Variants in ERC1 observed in about 807,000 individuals in gnomAD.
ERC1 encodes the protein RAB6 interacting protein 2.
ERC1 carries 56 observed loss-of-function variants against 132.0 expected under a neutral mutation model. The ratio of observed to expected loss-of-function variants is 0.42; its 90% CI spans 0.34 to 0.53. The LOEUF is 0.53. ERC1 is among the 20% of genes least tolerant of loss of function. The pLI is 0.03. For missense variants in ERC1, 1,202 were observed against 1,349.9 expected, an observed-to-expected ratio of 0.89 and a Z score of 1.72; for synonymous variants, 478 against 476.1, an observed-to-expected ratio of 1.00 and a Z score of -0.05.
intron 12 of ERC1, among the ~76,000 whole-genome samples, chr12:1,213,677 C>T (rs1053974688): frequency 6.7e-6 from 1 of 148,490 alleles, no homozygotes; most frequent in African/African-American, 2.5e-5. Flanking sequence ...GCAGAGGTTG[C>T]AGTGAGCCGA....
chr12:1,303,765 A>C (rs1566536057), intron 15 of ERC1, among the ~76,000 whole-genome samples: 2 of 151,436 alleles, frequency 1.3e-5, no homozygotes, highest in South Asian at 4.2e-4. Flanking sequence ...GACCAGCCTG[A>C]CCAACATGGA....
At chr12:1,243,966 T>C (rs550870068) in intron 13 of ERC1, among the ~76,000 whole-genome samples, 1 of 152,350 alleles carries the variant, frequency 6.6e-6, no homozygotes, top group African/African-American at 2.4e-5. Flanking sequence ...GCTGTTAAGT[T>C]AAAACTCTGT....
In ERC1 at chr12:1,083,226, G is replaced by A; in HGVS notation, c.732G>A (p.Gln244=). ...TGCGGATCCAGAGGGACCTGAATCA[G>A]CTGTTTCAGCAGGATAGTAGCAGCA... The part of the protein sequence containing the change: ...DELRIQRDLN[Q]LFQQDSSSRT... The change falls in exon 3 of 19, where the codon CAG becomes CAA. Residue 244 remains glutamine, a synonymous_variant. Coordinates refer to ENST00000360905, the MANE Select transcript of ERC1 (RefSeq NM_178040.4). The A allele has an allele frequency of 6.2e-7, 1 of 1,614,184 alleles. No homozygotes were observed. The highest frequency in any genetic ancestry group is 1.1e-5 in the South Asian group (1 of 91,082).
intron 2 of ERC1, among the ~76,000 whole-genome samples, chr12:1,033,820 G>A (rs1275797876): frequency 1.3e-5 from 2 of 151,998 alleles, no homozygotes; most frequent in African/African-American, 2.4e-5. Flanking sequence ...AGTAGAGACG[G>A]GATTTTGCCA....
At chr12:1,226,708 A>G (rs2074604107) in intron 12 of ERC1, among the ~76,000 whole-genome samples, 1 of 151,840 alleles carries the variant, frequency 6.6e-6, no homozygotes, top group African/African-American at 2.4e-5. Context: ...AAACAGTCTC[A>G]CTCTGTCACC....
intron 8 of ERC1, among the ~76,000 whole-genome samples, chr12:1,173,079 A>G (rs894479657): frequency 3.9e-5 from 6 of 152,200 alleles, no homozygotes; most frequent in African/African-American, 1.4e-4. Flanking sequence ...TAGGGGGTAC[A>G]TTTTAAGTAC....
At chr12:1,192,964 G>T (rs767071677) in intron 12 of ERC1, among the ~76,000 whole-genome samples, 1 of 152,124 alleles carries the variant, frequency 6.6e-6, no homozygotes, top group Non-Finnish European at 1.5e-5. Context: ...TAACTGTAGT[G>T]CCACACTGTA....
chr12:1,051,754 T>TGGGGGATGTGGGCA (rs1198774623), intron 2 of ERC1, among the ~76,000 whole-genome samples: 1 of 152,118 alleles, frequency 6.6e-6, no homozygotes, highest in Non-Finnish European at 1.5e-5. Context: ...AGTGACCACC[T>TGGGGGATGTGGGCA]GGGGGATGTG....
At chr12:1,207,947 T>C (rs954662728) in intron 12 of ERC1, among the ~76,000 whole-genome samples, 2 of 152,190 alleles carry the variant, frequency 1.3e-5, no homozygotes, top group Non-Finnish European at 2.9e-5. Context: ...ATAATAACTA[T>C]TGGGCCATAC....
At chr12:1,356,696 C>G (rs966986022) in intron 15 of ERC1, among the ~76,000 whole-genome samples, 2 of 152,134 alleles carry the variant, frequency 1.3e-5, no homozygotes, top group African/African-American at 4.8e-5. Flanking sequence ...TTTTTAAATT[C>G]TGTCTGGCAT....
At chr12:1,291,211 C>G (rs909322870) in intron 15 of ERC1, among the ~76,000 whole-genome samples, 1 of 152,134 alleles carries the variant, frequency 6.6e-6, no homozygotes, top group Non-Finnish European at 1.5e-5. Context: ...TAGTGCAAGG[C>G]TACGAGATTC....
chr12:1,210,019 A>G (rs1594241843), intron 12 of ERC1, among the ~76,000 whole-genome samples: 1 of 152,340 alleles, frequency 6.6e-6, no homozygotes, highest in African/African-American at 2.4e-5. Context: ...TGTTAGAGCA[A>G]AAGCACTGTT....
chr12:1,398,454 A>G (rs1200745032), intron 16 of ERC1, among the ~76,000 whole-genome samples: 1 of 152,234 alleles, frequency 6.6e-6, no homozygotes, highest in Non-Finnish European at 1.5e-5. Context: ...AAATCAAAGT[A>G]GTTTAGTAAA....
At chr12:1,329,214 A>T (rs1319295197) in intron 15 of ERC1, among the ~76,000 whole-genome samples, 3 of 145,904 alleles carry the variant, frequency 2.1e-5, no homozygotes, top group Non-Finnish European at 1.5e-5. Flanking sequence ...GAATCACTTG[A>T]ACCCCAGAGG....
At chr12:1,015,151 C>T (rs1187290079) in intron 1 of ERC1, among the ~76,000 whole-genome samples, 3 of 151,982 alleles carry the variant, frequency 2.0e-5, no homozygotes, top group Non-Finnish European at 4.4e-5. Context: ...TCACTGCAAC[C>T]TCTGCCTCCG....
chr12:1,372,114 C>T (rs2087310489), intron 16 of ERC1, 137 bp downstream of exon 16: 2 of 1,096,528 alleles, frequency 1.8e-6, no homozygotes, highest in Non-Finnish European at 2.5e-6. Context: ...TAGTTTCCAT[C>T]ATTAGAGACT....
chr12:1,205,901 A>G (rs1957313574), intron 12 of ERC1, among the ~76,000 whole-genome samples: 1 of 152,240 alleles, frequency 6.6e-6, no homozygotes, highest in African/African-American at 2.4e-5. Flanking sequence ...TTTTGCTCTC[A>G]GTCTCTCTAA....
intron 12 of ERC1, among the ~76,000 whole-genome samples, chr12:1,200,553 A>C (rs1432792721): frequency 7.1e-6 from 1 of 141,326 alleles, no homozygotes; most frequent in African/African-American, 2.8e-5. Context: ...ATCATCTCAC[A>C]TTTCCTTTTC....
chr12:1,134,259 A>G (rs1221023783), intron 7 of ERC1, among the ~76,000 whole-genome samples: 1 of 151,932 alleles, frequency 6.6e-6, no homozygotes, highest in East Asian at 1.9e-4. Flanking sequence ...TCTTCTTACT[A>G]TTTTAGGGGG....
Sources: gnomAD v4.1 joint callset for allele counts (sites outside exome capture counted in the v4.1 genomes callset) on GRCh38, gnomAD v4.1.1 for gene constraint, MANE v1.5 for transcripts, NCBI Gene and HGNC (gene_info 2026-07-23, HGNC 2026-07-21) for gene names.